The following SVEP1 variants were observed in gnomAD, a reference collection of about 807,000 sequenced individuals.
SVEP1 encodes the protein sushi, von Willebrand factor type A, EGF and pentraxin domain-containing protein 1.
In SVEP1, 164 loss-of-function variants were observed where a neutral mutation model predicts 367.3. The ratio of observed to expected loss-of-function variants is 0.45; its 90% CI spans 0.39 to 0.51. The LOEUF is 0.51. SVEP1 is among the 20% of genes least tolerant of loss of function. The pLI is 0.00. For missense variants in SVEP1, 4,117 were observed against 4,425.3 expected, an observed-to-expected ratio of 0.93 and a Z score of 1.98; for synonymous variants, 1,666 against 1,611.6, an observed-to-expected ratio of 1.03 and a Z score of -0.81.
At chr9:110,396,720 G>C (rs375675830) in intron 40 of SVEP1, among the ~76,000 whole-genome samples, 18 of 151,292 alleles carry the variant, frequency 1.2e-4, no homozygotes, top group African/African-American at 1.9e-4. Flanking sequence ...AACACCTCTA[G>C]GCAAATAAAC....
intron 1 of SVEP1, among the ~76,000 whole-genome samples, chr9:110,567,440 G>T (rs926529579): frequency 2.0e-5 from 3 of 152,004 alleles, no homozygotes; most frequent in Non-Finnish European, 4.4e-5. Flanking sequence ...TTTGATACTC[G>T]GTCTCATTCC....
intron 26 of SVEP1, among the ~76,000 whole-genome samples, chr9:110,445,096 G>T (rs1017736443): frequency 1.3e-5 from 2 of 152,160 alleles, no homozygotes; most frequent in Non-Finnish European, 2.9e-5. Context: ...CTAACCACAC[G>T]GAAGTTATGA....
At chr9:110,508,693 G>C (rs1257972095) in intron 5 of SVEP1, among the ~76,000 whole-genome samples, 2 of 147,016 alleles carry the variant, frequency 1.4e-5, no homozygotes, top group African/African-American at 5.0e-5. Flanking sequence ...CCCAGGAGAC[G>C]GAGCTTGCAG....
intron 43 of SVEP1, among the ~76,000 whole-genome samples, chr9:110,380,607 AG>A (rs1375347076): frequency 1.3e-5 from 2 of 152,164 alleles, no homozygotes; most frequent in African/African-American, 4.8e-5. Context: ...TATTTTATTG[AG>A]GATTTTTGTA....
chr9:110,460,430 C>T (rs1179771743), intron 18 of SVEP1, among the ~76,000 whole-genome samples: 2 of 152,194 alleles, frequency 1.3e-5, no homozygotes, highest in East Asian at 3.9e-4. Flanking sequence ...TTTCTGTGTC[C>T]TTACTGATTG....
intron 36 of SVEP1, among the ~76,000 whole-genome samples, chr9:110,424,756 C>T (rs1022106465): frequency 6.6e-6 from 1 of 152,170 alleles, no homozygotes; most frequent in African/African-American, 2.4e-5. Context: ...CTCACTGCAA[C>T]CTCCGCCTCT....
At chr9:110,367,481 T>C (rs1827216881) in intron 47 of SVEP1, among the ~76,000 whole-genome samples, 1 of 152,192 alleles carries the variant, frequency 6.6e-6, no homozygotes, top group Admixed American at 6.5e-5. Context: ...ATACAAACTT[T>C]AAGGCATTCA....
intron 18 of SVEP1, among the ~76,000 whole-genome samples, chr9:110,463,637 AGAAAGAAAGAAAGGCTGAT>A (rs1223795821): frequency 1.7e-5 from 2 of 114,606 alleles, no homozygotes; most frequent in African/African-American, 2.7e-5. Flanking sequence ...AGGAAGAAAA[AGAAAGAAAGAAAGGCTGAT>A]GAAAGAAAGA....
intron 36 of SVEP1, among the ~76,000 whole-genome samples, chr9:110,412,051 A>T (rs1828052562): frequency 1.3e-5 from 2 of 152,210 alleles, no homozygotes; most frequent in Non-Finnish European, 2.9e-5. Flanking sequence ...ACATTGTGAT[A>T]TTAATATTTG....
chr9:110,477,242 C>T (rs10817027), intron 13 of SVEP1, among the ~76,000 whole-genome samples: 43,016 of 152,004 alleles, frequency 0.28, 6,448 homozygotes, highest in Admixed American at 0.33. Flanking sequence ...TATAATCCAT[C>T]GACCCTAGTG....
intron 5 of SVEP1, among the ~76,000 whole-genome samples, chr9:110,509,603 T>C (rs1381296760): frequency 1.3e-5 from 2 of 152,222 alleles, no homozygotes; most frequent in African/African-American, 4.8e-5. Context: ...CTCCAACTCC[T>C]GTGTTCAAGT....
At chr9:110,410,327 G>C (rs948075845) in intron 37 of SVEP1, among the ~76,000 whole-genome samples, 2 of 152,178 alleles carry the variant, frequency 1.3e-5, no homozygotes, top group Non-Finnish European at 2.9e-5. Flanking sequence ...TAGCGTGAAA[G>C]CAGGACATAT....
At chr9:110,539,219 G>A (rs1830114728) in intron 3 of SVEP1, among the ~76,000 whole-genome samples, 1 of 152,008 alleles carries the variant, frequency 6.6e-6, no homozygotes, top group African/African-American at 2.4e-5. Flanking sequence ...CACTTATGAA[G>A]GAGGAACAAA....
intron 22 of SVEP1, among the ~76,000 whole-genome samples, chr9:110,452,385 C>T (rs1274978841): frequency 1.3e-5 from 2 of 152,090 alleles, no homozygotes; most frequent in Non-Finnish European, 2.9e-5. Flanking sequence ...TACTATGATT[C>T]AACACCAGGT....
Position 110,579,055 on chromosome 9 carries a change from T to C in SVEP1, c.489A>G (p.Arg163=). 1 of 1,548,830 alleles carries C rather than the reference T, an allele frequency of 6.5e-7. No homozygotes were observed. The highest frequency in any genetic ancestry group is 2.5e-5 in the East Asian group (1 of 40,782). Residue 163 remains arginine, a synonymous_variant, in exon 1 of 48, where the codon CGA becomes CGG. Transcript: ENST00000374469. This position sits in a 1 kb window ranked among gnomAD's most constrained non-coding sequence, Gnocchi z 5.3. ...LLQEIPAISY[R]GGGTYTKGAF... Reference sequence around the variant, plus strand: ...CGCCCTTGGTGTAGGTGCCGCCACCTCGGTAGGAGATGGCAGGGATCTCTT... The same window carrying C: ...CGCCCTTGGTGTAGGTGCCGCCACCCCGGTAGGAGATGGCAGGGATCTCTT...
chr9:110,402,002 C>T (rs1449359777), intron 39 of SVEP1, among the ~76,000 whole-genome samples: 1 of 151,954 alleles, frequency 6.6e-6, no homozygotes, highest in Non-Finnish European at 1.5e-5. Context: ...CTAGTATATA[C>T]ATTGCATTTA....
At chr9:110,452,146 CATA>C (rs1194482265) in intron 22 of SVEP1, among the ~76,000 whole-genome samples, 3 of 152,100 alleles carry the variant, frequency 2.0e-5, no homozygotes, top group Non-Finnish European at 4.4e-5. Context: ...AAGGAAATTT[CATA>C]ATAAAGGTTG....
intron 3 of SVEP1, among the ~76,000 whole-genome samples, chr9:110,538,831 T>C (rs991557397): frequency 4.6e-5 from 7 of 152,068 alleles, no homozygotes; most frequent in Non-Finnish European, 8.8e-5. Context: ...TGCAACTGCT[T>C]GGATTTACGA....
chr9:110,392,133 T>TTTTTTA (rs1554710906), intron 40 of SVEP1, among the ~76,000 whole-genome samples: 1 of 99,636 alleles, frequency 1.0e-5, no homozygotes, highest in African/African-American at 3.9e-5. Context: ...CAATTCCTCA[T>TTTTTTA]TATATATATA....
Sources: allele counts gnomAD v4.1 joint callset (sites outside exome capture counted in the v4.1 genomes callset), GRCh38; gene constraint gnomAD v4.1.1; non-coding constraint Gnocchi (gnomAD v3.1); transcripts MANE v1.5; gene names NCBI Gene and HGNC (gene_info 2026-07-23, HGNC 2026-07-21).